Variants in CTNNBIP1 observed in about 807,000 individuals in gnomAD.
CTNNBIP1 encodes beta-catenin-interacting protein 1.
CTNNBIP1 carries 7 observed loss-of-function variants against 11.8 expected under a neutral mutation model. That is an observed-to-expected ratio of 0.60 (90% confidence interval 0.34 to 1.12). The LOEUF is 1.12. Among genes scored for constraint, CTNNBIP1 ranks in the 50% most tolerant of loss-of-function variants. CTNNBIP1 has a pLI of 0.03. For synonymous variants in CTNNBIP1, 58 were observed against 43.9 expected (o/e 1.32, Z -1.26); for missense variants, 101 against 113.4 (o/e 0.89, Z 0.50).
At chr1:9,881,161 GC>G (rs1639072570) in intron 2 of CTNNBIP1, among the ~76,000 whole-genome samples, 2 of 151,660 alleles carry the variant, frequency 1.3e-5, no homozygotes, top group Middle Eastern at 3.4e-3. Flanking sequence ...TCAGCCTCCT[GC>G]ATGGCTGAAC....
Position 9,867,109 on chromosome 1 carries a change from G to T in CTNNBIP1, c.187+4078C>A, listed in dbSNP as rs371666119. ...ATCACAGCACTGCGTGTGGAACAGG[G>T]AGAAGAGAGGGGGCAACCCTGGAGG... On this transcript the variant is annotated intron_variant, in intron 5 of 5. Transcript: ENST00000377263. The surrounding 1 kb of genome is among the most constrained non-coding windows in gnomAD (Gnocchi z 4.6). 8.5e-5 allele frequency among the ~76,000 whole-genome samples: 13 copies of T among 152,316 alleles called. No individual in the cohort carries two copies. The highest frequency in any genetic ancestry group is 3.1e-4 in the African/African-American group (13 of 41,562).
intron 3 of CTNNBIP1, among the ~76,000 whole-genome samples, chr1:9,875,576 C>A (rs542198769): frequency 1.3e-5 from 2 of 152,232 alleles, no homozygotes; most frequent in Non-Finnish European, 2.9e-5. Flanking sequence ...GTGTCGTCTG[C>A]GCCTGCATTT....
intron 5 of CTNNBIP1, among the ~76,000 whole-genome samples, chr1:9,868,726 C>T (rs1433873628): frequency 6.6e-6 from 1 of 151,942 alleles, no homozygotes; most frequent in Non-Finnish European, 1.5e-5. Context: ...CTCCCAGATT[C>T]AAGCGGTTCT....
At chr1:9,879,892 T>G (rs753650521) in intron 2 of CTNNBIP1, among the ~76,000 whole-genome samples, 2 of 152,178 alleles carry the variant, frequency 1.3e-5, no homozygotes, top group Non-Finnish European at 2.9e-5. Flanking sequence ...CGGACAGCTG[T>G]TCTATTTGTC....
At chr1:9,852,517 T>C (rs1331350186) in intron 5 of CTNNBIP1, among the ~76,000 whole-genome samples, 1 of 152,170 alleles carries the variant, frequency 6.6e-6, no homozygotes. Flanking sequence ...TCCCGTCTTC[T>C]CAGGAACATT....
intron 1 of CTNNBIP1, among the ~76,000 whole-genome samples, chr1:9,885,552 G>A (rs1204348095): frequency 3.9e-5 from 6 of 152,038 alleles, no homozygotes; most frequent in African/African-American, 1.4e-4. Context: ...GCTGAGGTGG[G>A]AGGATCGCTT....
chr1:9,892,471 T>C (rs1320774226), intron 1 of CTNNBIP1, among the ~76,000 whole-genome samples: 1 of 149,636 alleles, frequency 6.7e-6, no homozygotes, highest in African/African-American at 2.5e-5. Context: ...CTTGCACCTG[T>C]AGGCCCAGTT....
In CTNNBIP1 at chr1:9,871,148, A is replaced by C; in HGVS notation, c.187+39T>G. On this transcript the variant is annotated intron_variant, in intron 5 of 5. Coordinates refer to ENST00000377263, the MANE Select transcript of CTNNBIP1 (RefSeq NM_020248.3). The surrounding 1 kb of genome is among the most constrained non-coding windows in gnomAD (Gnocchi z 5.2). Reference sequence around the variant, plus strand: ...GGAACCACAAGTCGGTGCCCCTGGGACTTGTGCCACTGCCCCAGCCCCTCT... The same window carrying C: ...GGAACCACAAGTCGGTGCCCCTGGGCCTTGTGCCACTGCCCCAGCCCCTCT... 1 of 1,456,612 alleles carries C rather than the reference A, an allele frequency of 6.9e-7. No homozygotes were observed. Among genetic ancestry groups the C allele is most frequent in the Non-Finnish European group, 9.4e-7 (1 of 1,068,258 alleles). The allele number at this position is 1,456,612 out of a possible 1,614,324, so 90.2% of individuals were successfully genotyped here.
intron 1 of CTNNBIP1, among the ~76,000 whole-genome samples, chr1:9,908,999 G>C (rs1639676433): frequency 6.6e-6 from 1 of 152,200 alleles, no homozygotes; most frequent in African/African-American, 2.4e-5. Flanking sequence ...ATGATCCAAA[G>C]TCCTACTTTA....
chr1:9,895,833 G>A (rs1350807199), intron 1 of CTNNBIP1, among the ~76,000 whole-genome samples: 1 of 152,108 alleles, frequency 6.6e-6, no homozygotes, highest in East Asian at 1.9e-4. Context: ...TTGCTATGTT[G>A]CCCAGGCTGG....
At position 9,906,326 on chromosome 1, in the gene CTNNBIP1, G is replaced by A. The variant is rs554636192; in HGVS notation, c.-144+3769C>T. On this transcript the variant is annotated intron_variant, in intron 1 of 5. Coordinates refer to ENST00000377263, the MANE Select transcript of CTNNBIP1 (RefSeq NM_020248.3). The stretch of plus-strand genomic sequence containing the variant: ...TAATCCCAACACTTTAGGAGGCCGA[G>A]GTGGGTGGATCGCCTGAGGTCAGGA... 9.2e-5 allele frequency among the ~76,000 whole-genome samples: 14 copies of A among 152,306 alleles called. No homozygotes were observed. In the South Asian group the frequency reaches 2.9e-3, roughly 32 times the overall value.
In CTNNBIP1 at chr1:9,910,114, C is replaced by CGGGCCGGCAGGGGCAGCG. The variant is rs1042495162; in HGVS notation, c.-181_-164dup. ...GCTTACCTGGGCCGCCCGACCCGGCCGGGCCGGCAGGGGCAGCGGGTCCGG... is the reference window on the plus strand; with the variant it reads ...GCTTACCTGGGCCGCCCGACCCGGCCGGGCCGGCAGGGGCAGCGGGGCCGGCAGGGGCAGCGGGTCCGG... On this transcript the variant is annotated 5_prime_UTR_variant, in exon 1 of 6. Coordinates refer to ENST00000377263, the MANE Select transcript of CTNNBIP1 (RefSeq NM_020248.3). The CGGGCCGGCAGGGGCAGCG allele has an allele frequency of 8.2e-5, 12 of 146,714 alleles. No homozygotes were observed. Among genetic ancestry groups the CGGGCCGGCAGGGGCAGCG allele is most frequent in the Admixed American group, 5.4e-4 (8 of 14,784 alleles). The allele number at this position is 146,714 out of a possible 1,614,324, so 9.1% of individuals were successfully genotyped here. A position where few individuals can be genotyped will look rare whatever the true frequency, so the allele number is the denominator to read the frequency against.
intron 3 of CTNNBIP1, 138 bp downstream of exon 3, chr1:9,877,767 T>C (rs940489406): frequency 9.2e-5 from 14 of 152,552 alleles, no homozygotes; most frequent in African/African-American, 2.7e-4. Flanking sequence ...ATGAGCATCA[T>C]TGGGGCTCAC....
intron 3 of CTNNBIP1, among the ~76,000 whole-genome samples, chr1:9,873,010 T>G (rs2101483839): frequency 6.6e-6 from 1 of 152,058 alleles, no homozygotes; most frequent in African/African-American, 2.4e-5. Flanking sequence ...CCAAGAACAC[T>G]CCTCACACCA....
chr1:9,866,770 G>A (rs981084488), intron 5 of CTNNBIP1, among the ~76,000 whole-genome samples: 2 of 152,024 alleles, frequency 1.3e-5, no homozygotes, highest in Admixed American at 6.6e-5. Context: ...GAGCAGACCT[G>A]AGGGGGCAAG....
At chr1:9,890,082 C>T (rs946276) in intron 1 of CTNNBIP1, among the ~76,000 whole-genome samples, 6,953 of 152,274 alleles carry the variant, frequency 0.046, 543 homozygotes, top group African/African-American at 0.16. Context: ...CATGAGGCAT[C>T]TGTTTACATC....
intron 5 of CTNNBIP1, among the ~76,000 whole-genome samples, chr1:9,856,769 C>T (rs1638510278): frequency 6.6e-6 from 1 of 151,936 alleles, no homozygotes; most frequent in South Asian, 2.1e-4. Flanking sequence ...CTGCCTCAGC[C>T]TCCCAAAGTG....
intron 5 of CTNNBIP1, among the ~76,000 whole-genome samples, chr1:9,857,150 A>C (rs1022425980): frequency 2.7e-5 from 4 of 150,014 alleles, no homozygotes; most frequent in Non-Finnish European, 4.4e-5. Context: ...AACAAAAAAA[A>C]CCCTCAATAA....
chr1:9,871,206 A>G lies in CTNNBIP1; in HGVS notation c.168T>C (p.Pro56=). ...GVVNSQLSQL[P]PHSIDQGAED... ...ACTCACCCTGGTCGATGGAGTGCGG[A>G]GGCAGCTGGCTGAGCTGGCTGTTGA... is the stretch of plus-strand genomic sequence containing the variant. The change falls in exon 5 of 6, where the codon CCT becomes CCC. Residue 56 remains proline (P), a synonymous_variant. Transcript: ENST00000377263. The surrounding 1 kb of genome is among the most constrained non-coding windows in gnomAD (Gnocchi z 5.2). 1.3e-6 allele frequency: 2 copies of G among 1,578,242 alleles called. No homozygotes were observed. The highest frequency in any genetic ancestry group is 1.7e-6 in the Non-Finnish European group (2 of 1,162,680).
Sources: allele counts gnomAD v4.1 joint callset (sites outside exome capture counted in the v4.1 genomes callset), GRCh38; gene constraint gnomAD v4.1.1; non-coding constraint Gnocchi (gnomAD v3.1); transcripts MANE v1.5; gene names NCBI Gene and HGNC (gene_info 2026-07-23, HGNC 2026-07-21).